Variants in ITPKB observed in about 807,000 individuals in gnomAD.
ITPKB encodes IP3 3-kinase B.
A neutral mutation model predicts 69.4 loss-of-function variants in ITPKB; 13 were observed. The observed-to-expected ratio is 0.19, with a 90% CI of 0.12 to 0.30. The LOEUF is 0.30. Ranked by LOEUF, ITPKB falls within the 10% of genes least tolerant of loss-of-function variation. The pLI is 1.00. For missense variants in ITPKB, 1,240 were observed against 1,250.5 expected (o/e 0.99, Z 0.13); for synonymous variants, 584 against 513.7 (o/e 1.14, Z -1.85).
intron 2 of ITPKB, among the ~76,000 whole-genome samples, chr1:226,703,370 C>G (rs577586074): frequency 7.9e-5 from 12 of 152,346 alleles, no homozygotes; most frequent in African/African-American, 2.2e-4. Context: ...AGCTCAGGCC[C>G]GGTTCCCACC....
chr1:226,725,577 C>T (rs1444576464), intron 2 of ITPKB, among the ~76,000 whole-genome samples: 1 of 152,192 alleles, frequency 6.6e-6, no homozygotes. Flanking sequence ...CCATTAAGTA[C>T]CCTCAAACTC....
At chr1:226,694,099 C>T (rs1421462542) in intron 2 of ITPKB, among the ~76,000 whole-genome samples, 1 of 152,198 alleles carries the variant, frequency 6.6e-6, no homozygotes, top group African/African-American at 2.4e-5. Context: ...TGAGCATTTA[C>T]AGGGAAAGAT....
intron 2 of ITPKB, among the ~76,000 whole-genome samples, chr1:226,668,571 A>G (rs1158882904): frequency 6.6e-6 from 1 of 152,258 alleles, no homozygotes; most frequent in Non-Finnish European, 1.5e-5. Flanking sequence ...ATGAGATGTT[A>G]ATCAATCCTG....
intron 4 of ITPKB, among the ~76,000 whole-genome samples, chr1:226,645,328 T>C (rs1669040481): frequency 1.3e-5 from 2 of 152,040 alleles, no homozygotes; most frequent in Admixed American, 1.3e-4. Context: ...GTTACATGGG[T>C]ACCAGCCACG....
At chr1:226,726,901 A>C (rs1657436827) in intron 2 of ITPKB, among the ~76,000 whole-genome samples, 1 of 152,168 alleles carries the variant, frequency 6.6e-6, no homozygotes, top group Admixed American at 6.5e-5. Flanking sequence ...TCTCAGGATT[A>C]TTTGTGCCCA....
chr1:226,720,132 A>T (rs1558095588), intron 2 of ITPKB, among the ~76,000 whole-genome samples: 1 of 152,256 alleles, frequency 6.6e-6, no homozygotes, highest in South Asian at 2.1e-4. Flanking sequence ...TTATAAGGAA[A>T]AGAATCCACT....
intron 6 of ITPKB, among the ~76,000 whole-genome samples, chr1:226,638,239 A>G (rs1443351929): frequency 6.6e-6 from 1 of 152,218 alleles, no homozygotes; most frequent in Non-Finnish European, 1.5e-5. Flanking sequence ...CATGGTGGCC[A>G]CTGCTTAGGG....
At chr1:226,709,659 A>G (rs1656893419) in intron 2 of ITPKB, among the ~76,000 whole-genome samples, 1 of 152,122 alleles carries the variant, frequency 6.6e-6, no homozygotes. Flanking sequence ...CTTTGTCTAA[A>G]TATGAAACTT....
intron 2 of ITPKB, among the ~76,000 whole-genome samples, chr1:226,703,195 A>G (rs1384238087): frequency 1.3e-5 from 2 of 152,190 alleles, no homozygotes; most frequent in African/African-American, 4.8e-5. Flanking sequence ...ATTACTAGAA[A>G]AACCTGACTG....
chr1:226,661,114 G>A (rs533290021), intron 2 of ITPKB, among the ~76,000 whole-genome samples: 20 of 152,338 alleles, frequency 1.3e-4, no homozygotes, highest in African/African-American at 2.4e-4. Context: ...TCTCAGAGGC[G>A]CCAGCCAGGG....
intron 2 of ITPKB, among the ~76,000 whole-genome samples, chr1:226,661,756 G>A (rs1054422140): frequency 4.6e-5 from 7 of 152,210 alleles, no homozygotes; most frequent in African/African-American, 7.2e-5. Flanking sequence ...TACCTCTCAC[G>A]TATACTGTCT....
At chr1:226,679,940 C>CG (rs3835709) in intron 2 of ITPKB, among the ~76,000 whole-genome samples, 7,558 of 152,204 alleles carry the variant, frequency 0.05, 467 homozygotes, top group African/African-American at 0.13. Flanking sequence ...GCAGGCCAGG[C>CG]GGAGAGGGCA....
At chr1:226,724,401 C>T (rs1257942972) in intron 2 of ITPKB, among the ~76,000 whole-genome samples, 1 of 152,134 alleles carries the variant, frequency 6.6e-6, no homozygotes, top group Non-Finnish European at 1.5e-5. Context: ...TCACTCTCAC[C>T]CAATCAAAGA....
At chr1:226,701,991 T>C (rs1014084848) in intron 2 of ITPKB, among the ~76,000 whole-genome samples, 4 of 152,020 alleles carry the variant, frequency 2.6e-5, no homozygotes, top group African/African-American at 9.7e-5. Flanking sequence ...AGAGAGGGAA[T>C]CAGAAAAGGC....
chr1:226,707,864 A>AT (rs1226633913), intron 2 of ITPKB: 8 of 1,293,820 alleles, frequency 6.2e-6, no homozygotes, highest in Non-Finnish European at 8.0e-6. Flanking sequence ...CATTCTTGGT[A>AT]TTGGACGTTG....
In ITPKB at chr1:226,642,680, A is replaced by G. The variant is rs1151803; in HGVS notation, c.2247-555T>C. 0.57 allele frequency among the ~76,000 whole-genome samples: 85,795 copies of G among 151,666 alleles called. 27,740 individuals carry two copies. The highest frequency in any genetic ancestry group is 0.89 in the African/African-American group (36,750 of 41,382). On this transcript the variant is annotated intron_variant, in intron 4 of 7. Coordinates refer to ENST00000429204, the MANE Select transcript of ITPKB (RefSeq NM_002221.4). This position sits in a 1 kb window ranked among gnomAD's most constrained non-coding sequence, Gnocchi z 6.4. ...CTGATCCTGCTGCTACGGTGGAGCT[A>G]AGAGAGGGGACTGGGGGCAGGGTCT...
chr1:226,681,560 C>T (rs746154266), intron 2 of ITPKB, among the ~76,000 whole-genome samples: 2 of 152,088 alleles, frequency 1.3e-5, no homozygotes, highest in African/African-American at 2.4e-5. Flanking sequence ...TTCCTGCAAT[C>T]GCCTGGGGCA....
At chr1:226,705,236 C>A (rs983343824) in intron 2 of ITPKB, among the ~76,000 whole-genome samples, 1 of 152,104 alleles carries the variant, frequency 6.6e-6, no homozygotes, top group Non-Finnish European at 1.5e-5. Context: ...CAGAAACATA[C>A]AACTTGATGT....
chr1:226,680,761 A>G (rs1346912110), intron 2 of ITPKB, among the ~76,000 whole-genome samples: 2 of 152,108 alleles, frequency 1.3e-5, no homozygotes, highest in African/African-American at 4.8e-5. Flanking sequence ...GACATTTTAA[A>G]CGCTTTTTCT....
Sources: allele counts gnomAD v4.1 joint callset (sites outside exome capture counted in the v4.1 genomes callset), GRCh38; gene constraint gnomAD v4.1.1; non-coding constraint Gnocchi (gnomAD v3.1); transcripts MANE v1.5; gene names NCBI Gene and HGNC (gene_info 2026-07-23, HGNC 2026-07-21).